Variants in NOS1AP observed in about 807,000 individuals in gnomAD.
The protein encoded by NOS1AP is carboxyl-terminal PDZ ligand of neuronal nitric oxide synthase protein.
NOS1AP carries 21 observed loss-of-function variants against 56.2 expected under a neutral mutation model. The ratio of observed to expected loss-of-function variants is 0.37; its 90% confidence interval spans 0.26 to 0.54. NOS1AP has a LOEUF of 0.54. Ranked by LOEUF, NOS1AP falls within the 20% of genes least tolerant of loss-of-function variation. The pLI is 0.84. For missense variants in NOS1AP, 522 were observed against 657.8 expected, an observed-to-expected ratio of 0.79 and a Z score of 2.26; for synonymous variants, 270 against 274.6, an observed-to-expected ratio of 0.98 and a Z score of 0.17.
chr1:162,114,892 T>G (rs997635730), intron 1 of NOS1AP, among the ~76,000 whole-genome samples: 1 of 152,224 alleles, frequency 6.6e-6, no homozygotes, highest in African/African-American at 2.4e-5. Context: ...TATCTCCTGT[T>G]GCATTTGTCT....
At chr1:162,248,127 A>G (rs888374769) in intron 2 of NOS1AP, among the ~76,000 whole-genome samples, 1 of 152,128 alleles carries the variant, frequency 6.6e-6, no homozygotes, top group African/African-American at 2.4e-5. Flanking sequence ...TAATATATAT[A>G]TATATAAATC....
chr1:162,198,279 GC>G (rs1240871501), intron 2 of NOS1AP, among the ~76,000 whole-genome samples: 1 of 152,210 alleles, frequency 6.6e-6, no homozygotes, highest in Non-Finnish European at 1.5e-5. Context: ...AGTCATCAAA[GC>G]CATCTGCATA....
At chr1:162,072,483 G>A (rs1691680201) in intron 1 of NOS1AP, among the ~76,000 whole-genome samples, 1 of 152,216 alleles carries the variant, frequency 6.6e-6, no homozygotes, top group South Asian at 2.1e-4. Context: ...GGTGGTCAGT[G>A]AAAGGAGAGG....
intron 8 of NOS1AP, among the ~76,000 whole-genome samples, chr1:162,359,335 G>T (rs115568585): frequency 6.6e-6 from 1 of 152,156 alleles, no homozygotes; most frequent in African/African-American, 2.4e-5. Context: ...CAGATAGGAC[G>T]TTGGGGTCAT....
chr1:162,319,503 C>T (rs1369518742), intron 4 of NOS1AP, among the ~76,000 whole-genome samples: 1 of 152,178 alleles, frequency 6.6e-6, no homozygotes, highest in Admixed American at 6.5e-5. Context: ...CCATCTCCCA[C>T]CAGTCCTTCT....
chr1:162,111,012 A>G (rs1314796924), intron 1 of NOS1AP, among the ~76,000 whole-genome samples: 1 of 152,226 alleles, frequency 6.6e-6, no homozygotes, highest in Non-Finnish European at 1.5e-5. Context: ...CACTGGGGAT[A>G]CAGTTGTGAT....
chr1:162,363,343 A>T (rs1387538323), intron 8 of NOS1AP: 1 of 152,620 alleles, frequency 6.6e-6, no homozygotes, highest in African/African-American at 2.4e-5. Flanking sequence ...GATGGAAGAG[A>T]TGCATAGGGC....
chr1:162,342,447 G>A, intron 5 of NOS1AP: 1 of 459,642 alleles, frequency 2.2e-6, no homozygotes. Flanking sequence ...AATGACTCCA[G>A]GCTTGAGGAG....
intron 3 of NOS1AP, among the ~76,000 whole-genome samples, chr1:162,299,237 G>T (rs1458465522): frequency 6.6e-6 from 1 of 152,116 alleles, no homozygotes; most frequent in Non-Finnish European, 1.5e-5. Flanking sequence ...GCTGGGTTAA[G>T]AGGAGTGTCA....
intron 2 of NOS1AP, among the ~76,000 whole-genome samples, chr1:162,262,232 TCAG>T: frequency 6.6e-6 from 1 of 152,284 alleles, no homozygotes; most frequent in East Asian, 1.9e-4. Flanking sequence ...AACTAAAATT[TCAG>T]CTATGGATAA....
chr1:162,123,780 T>C (rs2102054983), intron 1 of NOS1AP, among the ~76,000 whole-genome samples: 1 of 152,308 alleles, frequency 6.6e-6, no homozygotes, highest in East Asian at 1.9e-4. Context: ...TCCCTTCATC[T>C]ATCTATATAC....
intron 1 of NOS1AP, among the ~76,000 whole-genome samples, chr1:162,149,522 T>G (rs1384314457): frequency 1.3e-5 from 2 of 152,240 alleles, no homozygotes; most frequent in Admixed American, 6.5e-5. Flanking sequence ...ATCAAGGTAC[T>G]CTTTGTTGTG....
intron 2 of NOS1AP, among the ~76,000 whole-genome samples, chr1:162,283,003 T>C (rs1323281240): frequency 6.6e-6 from 1 of 152,112 alleles, no homozygotes; most frequent in Non-Finnish European, 1.5e-5. Flanking sequence ...TGAGAGAGTG[T>C]ATCACCAGCC....
intron 2 of NOS1AP, among the ~76,000 whole-genome samples, chr1:162,237,326 T>C (rs1035726036): frequency 7.2e-5 from 11 of 152,200 alleles, no homozygotes; most frequent in Non-Finnish European, 1.5e-4. Context: ...AACTGTAAAA[T>C]TGGGCCTTGG....
At chr1:162,357,286 G>A (rs1657737687) in intron 8 of NOS1AP, 150 bp downstream of exon 8, 18 of 1,408,500 alleles carry the variant, frequency 1.3e-5, no homozygotes, top group East Asian at 2.5e-5. Flanking sequence ...GGGAGTGGGG[G>A]CAGCGGGAGG....
intron 3 of NOS1AP, among the ~76,000 whole-genome samples, chr1:162,290,409 C>G (rs1655250543): frequency 1.3e-5 from 2 of 152,234 alleles, no homozygotes; most frequent in South Asian, 2.1e-4. Context: ...TGACAGTTCT[C>G]TGGTATCTTA....
At chr1:162,252,638 G>C (rs1327850996) in intron 2 of NOS1AP, among the ~76,000 whole-genome samples, 1 of 152,098 alleles carries the variant, frequency 6.6e-6, no homozygotes, top group Non-Finnish European at 1.5e-5. Context: ...GCCATCTTGT[G>C]AACTCAAGAA....
chr1:162,257,231 A>C (rs1454950428), intron 2 of NOS1AP, among the ~76,000 whole-genome samples: 1 of 152,180 alleles, frequency 6.6e-6, no homozygotes, highest in Non-Finnish European at 1.5e-5. Flanking sequence ...AGAGCTTGCC[A>C]AATGCTGGGG....
At chr1:162,077,717 A>G (rs1381735739) in intron 1 of NOS1AP, among the ~76,000 whole-genome samples, 2 of 135,256 alleles carry the variant, frequency 1.5e-5, no homozygotes, top group African/African-American at 5.7e-5. Context: ...GCACAGTTAC[A>G]TCTCCTGGGC....
Sources: gnomAD v4.1 joint callset for allele counts (sites outside exome capture counted in the v4.1 genomes callset) on GRCh38, gnomAD v4.1.1 for gene constraint, MANE v1.5 for transcripts, NCBI Gene and HGNC (gene_info 2026-07-23, HGNC 2026-07-21) for gene names.